Variants in MSR1 observed in about 807,000 individuals in gnomAD.
The protein encoded by MSR1 is macrophage scavenger receptor types I and II.
In MSR1, 53 loss-of-function variants were observed where a neutral mutation model predicts 47.2. The observed-to-expected ratio is 1.12, with a 90% CI of 0.90 to 1.41. The LOEUF (loss-of-function observed/expected upper bound fraction) is 1.41. Ranked by LOEUF, MSR1 falls within the 40% of genes most tolerant of loss-of-function variation. The pLI, the probability that MSR1 is intolerant of heterozygous loss-of-function variation, is 0.00. For missense variants in MSR1, 786 were observed against 546.9 expected, an observed-to-expected ratio of 1.44 and a Z score of -4.36; for synonymous variants, 239 against 185.6, an observed-to-expected ratio of 1.29 and a Z score of -2.34.
Position 16,128,091 on chromosome 8 carries a change from A to T in MSR1, c.1034-7485T>A, listed in dbSNP as rs1800170132. On this transcript the variant is annotated intron_variant, in intron 8 of 9. Coordinates refer to ENST00000262101, the MANE Select transcript of MSR1 (RefSeq NM_138715.3). ...AACTATAAAAACACCAGAATGCATC[A>T]AATTTACTTATGGTGCAATTTAGGC... 2.0e-5 allele frequency among the ~76,000 whole-genome samples: 3 copies of T among 152,188 alleles called. No individual in the cohort carries two copies. In the South Asian group the frequency reaches 6.2e-4, roughly 32 times the overall value.
At chr8:16,191,746 T>C (rs429953) in intron 1 of MSR1, among the ~76,000 whole-genome samples, 27,645 of 151,918 alleles carry the variant, frequency 0.18, 3,905 homozygotes, top group African/African-American at 0.39. Flanking sequence ...ATAAAACATC[T>C]GTAATCTCAG....
chr8:16,110,652 A>G (rs562510106), intron 9 of MSR1, among the ~76,000 whole-genome samples: 1 of 152,292 alleles, frequency 6.6e-6, no homozygotes, highest in East Asian at 1.9e-4. Flanking sequence ...AACCGGAAAA[A>G]GGAAAACTTA....
chr8:16,112,717 G>C (rs978404350), intron 9 of MSR1, among the ~76,000 whole-genome samples: 1 of 151,882 alleles, frequency 6.6e-6, no homozygotes, highest in African/African-American at 2.4e-5. Context: ...TGTTGGGGCT[G>C]TCACTGTTAT....
At chr8:16,150,468 A>T (rs1316594714) in intron 6 of MSR1, among the ~76,000 whole-genome samples, 157 bp from the exon 7 acceptor site, 2 of 152,052 alleles carry the variant, frequency 1.3e-5, no homozygotes, top group African/African-American at 4.8e-5. Flanking sequence ...TTGACATTGA[A>T]AAACAATAGA....
At chr8:16,147,539 G>A (rs949407310) in intron 7 of MSR1, among the ~76,000 whole-genome samples, 7 of 152,172 alleles carry the variant, frequency 4.6e-5, no homozygotes, top group African/African-American at 1.7e-4. Context: ...GTATCAAAGA[G>A]TGTTTATATC....
At chr8:16,156,863 A>G (rs1033235102) in intron 5 of MSR1, among the ~76,000 whole-genome samples, 2 of 151,956 alleles carry the variant, frequency 1.3e-5, no homozygotes, top group African/African-American at 4.8e-5. Flanking sequence ...GGGAATCTCT[A>G]TGTGCCCCCT....
At position 16,108,437 on chromosome 8, in the gene MSR1, T is replaced by G. The variant is rs1487571119; in HGVS notation, c.*1648A>C. The stretch of plus-strand genomic sequence containing the variant: ...TCAGCATACATATACCATACAGCAA[T>G]ACAGTATTAACAACCCAGAGGCACT... On this transcript the variant is annotated 3_prime_UTR_variant, in exon 10 of 10. Transcript: ENST00000262101. The G allele has an allele frequency of 6.6e-6, 1 of 151,778 alleles. No individual in the cohort carries two copies. Among genetic ancestry groups the G allele is most frequent in the Non-Finnish European group, 1.5e-5 (1 of 67,912 alleles). 9.4% of individuals were successfully genotyped at this position (151,778 alleles called of 1,614,324 possible). A position where few individuals can be genotyped will look rare whatever the true frequency, so the allele number is the denominator to read the frequency against.
At chr8:16,171,731 G>A (rs1197911401) in intron 3 of MSR1, among the ~76,000 whole-genome samples, 5 of 152,098 alleles carry the variant, frequency 3.3e-5, no homozygotes, top group Non-Finnish European at 5.9e-5. Context: ...TTCCTCTAAC[G>A]TTGTCCTTTT....
rs1391691603 is a variant in MSR1 at position 16,109,640 on chromosome 8, A to T, written c.*445T>A. 1 of 175,012 alleles carries T rather than the reference A, an allele frequency of 5.7e-6. No homozygotes were observed. The highest frequency in any genetic ancestry group is 1.2e-4 in the South Asian group (1 of 8,022). The allele number at this position is 175,012 out of a possible 1,614,324, so 10.8% of individuals were successfully genotyped here. ...AATATGTGTGGATTGGAGATTTTGC[A>T]ATCTAGGCACAAAAGATATCTTCTG... is the stretch of plus-strand genomic sequence containing the variant. On this transcript the variant is annotated 3_prime_UTR_variant, in exon 10 of 10. Coordinates refer to ENST00000262101, the MANE Select transcript of MSR1 (RefSeq NM_138715.3).
chr8:16,126,886 T>TGGTTCTA (rs2117075780), intron 8 of MSR1, among the ~76,000 whole-genome samples: 1 of 152,252 alleles, frequency 6.6e-6, no homozygotes, highest in Admixed American at 6.5e-5. Flanking sequence ...GTTTACTTAA[T>TGGTTCTA]GGTTCTAAAT....
At chr8:16,162,986 G>A (rs1801203552) in intron 5 of MSR1, among the ~76,000 whole-genome samples, 1 of 151,842 alleles carries the variant, frequency 6.6e-6, no homozygotes, top group African/African-American at 2.4e-5. Context: ...AATATTAGCA[G>A]GAAACTAGGG....
intron 1 of MSR1, among the ~76,000 whole-genome samples, chr8:16,181,006 T>A (rs1801813547): frequency 6.6e-6 from 1 of 152,118 alleles, no homozygotes. Flanking sequence ...AAATGAACTA[T>A]TGTAAGAAGC....
chr8:16,180,750 G>A (rs143800994), intron 1 of MSR1, among the ~76,000 whole-genome samples: 1 of 152,074 alleles, frequency 6.6e-6, no homozygotes, highest in African/African-American at 2.4e-5. Flanking sequence ...CTCAACTCCT[G>A]TCAATATATT....
intron 6 of MSR1, among the ~76,000 whole-genome samples, chr8:16,150,851 A>AACAC (rs3036816): frequency 0.31 from 44,239 of 141,868 alleles, 7,119 homozygotes; most frequent in Non-Finnish European, 0.37. Flanking sequence ...CATAAACATA[A>AACAC]ACACACACAC....
At chr8:16,147,893 A>G (rs1800743913) in intron 7 of MSR1, among the ~76,000 whole-genome samples, 1 of 152,122 alleles carries the variant, frequency 6.6e-6, no homozygotes, top group Admixed American at 6.5e-5. Context: ...GGTTTTCAAA[A>G]TGTGGTCCCT....
Position 16,177,213 on chromosome 8 carries a change from T to C in MSR1, c.103+673A>G, listed in dbSNP as rs34017146. ...ACCATAGGTACCAGTGAAAGTAAGT[T>C]TATTTGGAAATAGGGTCTTTGGAGA... On this transcript the variant is annotated intron_variant, in intron 2 of 9. Transcript: ENST00000262101. Among the ~76,000 whole-genome samples, 1,300 of 152,250 alleles carry C rather than the reference T, an allele frequency of 8.5e-3. 15 individuals are homozygous for C. The highest frequency in any genetic ancestry group is 0.03 in the African/African-American group (1,241 of 41,528).
intron 8 of MSR1, chr8:16,140,302 AG>A: frequency 1.0e-6 from 1 of 984,876 alleles, no homozygotes; most frequent in South Asian, 4.7e-5. Flanking sequence ...AAAAAAAAAA[AG>A]CCCTTGACTC....
chr8:16,189,307 T>G (rs1422249059), intron 1 of MSR1, among the ~76,000 whole-genome samples: 1 of 129,098 alleles, frequency 7.7e-6, no homozygotes, highest in Non-Finnish European at 1.6e-5. Context: ...ATTTCATATA[T>G]ATATAAAATC....
chr8:16,162,217 G>C (rs1801182508), intron 5 of MSR1, among the ~76,000 whole-genome samples: 1 of 151,984 alleles, frequency 6.6e-6, no homozygotes, highest in African/African-American at 2.4e-5. Context: ...CACAAGAAAA[G>C]CTTGAAGCCA....
Sources: allele counts gnomAD v4.1 joint callset (sites outside exome capture counted in the v4.1 genomes callset), GRCh38; gene constraint gnomAD v4.1.1; transcripts MANE v1.5; gene names NCBI Gene and HGNC (gene_info 2026-07-23, HGNC 2026-07-21).